Variants in KCTD3 observed in about 807,000 individuals in gnomAD.
KCTD3 encodes potassium channel tetramerization domain containing 3, also known as BTB/POZ domain-containing protein KCTD3.
A neutral mutation model predicts 85.8 loss-of-function variants in KCTD3; 41 were observed. The observed-to-expected ratio is 0.48, with a 90% CI of 0.37 to 0.62. The LOEUF is 0.62. Ranked by LOEUF, KCTD3 falls within the 20% of genes least tolerant of loss-of-function variation. The pLI is 0.00. For synonymous variants in KCTD3, 338 were observed against 345.4 expected (o/e 0.98, Z 0.24); for missense variants, 724 against 989.9 (o/e 0.73, Z 3.60).
chr1:215,588,115 C>A (rs1326466963), intron 9 of KCTD3, among the ~76,000 whole-genome samples: 1 of 152,072 alleles, frequency 6.6e-6, no homozygotes. Context: ...AGATAACAGG[C>A]TTACTTTGTT....
At chr1:215,618,484 A>G (rs1368229395) in intron 15 of KCTD3, 1 of 167,670 alleles carries the variant, frequency 6.0e-6, no homozygotes, top group African/African-American at 2.4e-5. Flanking sequence ...GTAGGCTGGG[A>G]TAACTAATTC....
chr1:215,600,278 C>T (rs1339493143), intron 10 of KCTD3, among the ~76,000 whole-genome samples: 7 of 152,284 alleles, frequency 4.6e-5, no homozygotes, highest in African/African-American at 1.4e-4. Flanking sequence ...ACAGGAAGAG[C>T]TTAGAGGAAT....
chr1:215,570,101 A>C (rs771247825), intron 1 of KCTD3, among the ~76,000 whole-genome samples: 1 of 152,186 alleles, frequency 6.6e-6, no homozygotes, highest in Non-Finnish European at 1.5e-5. Flanking sequence ...CTGTAAGAGA[A>C]AAATCCTGAT....
chr1:215,581,062 A>T, intron 8 of KCTD3: 1 of 408,898 alleles, frequency 2.4e-6, no homozygotes, highest in South Asian at 1.8e-5. Flanking sequence ...CCCGACCAAC[A>T]TGGTGAAACC....
At position 215,608,029 on chromosome 1, in the gene KCTD3, A is replaced by G; in HGVS notation, c.1322A>G (p.Asn441Ser). ...CTTTCTCTGCTAGTCTGTGCAGATAATAATCATGTCCGGACGTGGACAGTA... is the reference window on the plus strand; with the variant it reads ...CTTTCTCTGCTAGTCTGTGCAGATAGTAATCATGTCCGGACGTGGACAGTA... ...EKHLVSVCAD[N>S]NHVRTWTVTR... The change falls in exon 14 of 18, where the codon AAT becomes AGT. Residue 441 changes from asparagine (N) to serine (S), a missense_variant. Physicochemically the swap from Asn to Ser is conservative, Grantham distance 46. Around this residue, in one of 6 missense-constraint regions of KCTD3, gnomAD observed 146 missense variants for 320.3 expected, o/e 0.46. Coordinates refer to ENST00000259154, the MANE Select transcript of KCTD3 (RefSeq NM_016121.5). The G allele has an allele frequency of 6.2e-7, 1 of 1,607,030 alleles. No homozygotes were observed. Among genetic ancestry groups the G allele is most frequent in the Non-Finnish European group, 8.5e-7 (1 of 1,177,420 alleles).
chr1:215,599,623 AGAG>A (rs1654754607), intron 10 of KCTD3, among the ~76,000 whole-genome samples: 1 of 152,200 alleles, frequency 6.6e-6, no homozygotes, highest in African/African-American at 2.4e-5. Context: ...AGGACGAAGA[AGAG>A]GAGGCCACAC....
chr1:215,570,104 A>G lies in KCTD3; in HGVS notation c.83+2336A>G, dbSNP rs146327211. Among the ~76,000 whole-genome samples, 800 of 152,306 alleles carry G rather than the reference A, an allele frequency of 5.3e-3. 3 individuals are homozygous for G. The highest frequency in any genetic ancestry group is 6.1e-3 in the Non-Finnish European group (418 of 68,026). ...TCACTTAAGCCACTGTAAGAGAAAA[A>G]TCCTGATATGATTGCCACTGAAGTT... is the stretch of plus-strand genomic sequence containing the variant. On this transcript the variant is annotated intron_variant, in intron 1 of 17. Transcript: ENST00000259154.
At chr1:215,607,852 G>A (rs1400052400) in intron 13 of KCTD3, among the ~76,000 whole-genome samples, 165 bp from the exon 14 acceptor site, 1 of 151,824 alleles carries the variant, frequency 6.6e-6, no homozygotes, top group African/African-American at 2.4e-5. Context: ...AAAACATCCA[G>A]TTTTCTCACT....
At chr1:215,580,515 A>G (rs1035739477) in intron 8 of KCTD3, among the ~76,000 whole-genome samples, 14 of 152,136 alleles carry the variant, frequency 9.2e-5, no homozygotes, top group Non-Finnish European at 1.8e-4. Context: ...TGGTTTTACT[A>G]ATGCTTACAT....
rs1381618095 is a variant in KCTD3 at position 215,619,011 on chromosome 1, G to A, written c.1688G>A (p.Ser563Asn). Reference sequence around the variant, plus strand: ...TTGTTCACAGGCCATACAAATGGCAGTATTCAAATGTGGGATCTGACCACT... The same window carrying A: ...TTGTTCACAGGCCATACAAATGGCAATATTCAAATGTGGGATCTGACCACT... ...RYLFTGHTNG[S>N]IQMWDLTTAM... Residue 563 changes from serine (S) to asparagine (N), a missense_variant, in exon 16 of 18, where the codon AGT becomes AAT. Around this residue, in one of 6 missense-constraint regions of KCTD3, gnomAD observed 136 missense variants for 197.6 expected, o/e 0.69. Coordinates refer to ENST00000259154, the MANE Select transcript of KCTD3 (RefSeq NM_016121.5). 5 of 1,613,936 alleles carry A rather than the reference G, an allele frequency of 3.1e-6. No homozygotes were observed.
chr1:215,616,487 G>A (rs1338408057), intron 15 of KCTD3, among the ~76,000 whole-genome samples: 2 of 152,152 alleles, frequency 1.3e-5, no homozygotes, highest in African/African-American at 2.4e-5. Context: ...CAGGCCGGGT[G>A]CGGTGGCTCA....
In KCTD3 at chr1:215,620,783, ATC is replaced by A. The variant is rs1655654520; in HGVS notation, c.*169_*170del. ...TGGAATAATGAGATACAATAATCAT[ATC>A]TCTTTTGACATTTTGGAAATTTTTT... On this transcript the variant is annotated 3_prime_UTR_variant, in exon 18 of 18. Transcript: ENST00000259154. 1.1e-5 allele frequency: 6 copies of A among 537,310 alleles called. No homozygotes were observed. The highest frequency in any genetic ancestry group is 9.6e-6 in the Non-Finnish European group (3 of 312,358). The allele number at this position is 537,310 out of a possible 1,614,324, so 33.3% of individuals were successfully genotyped here.
intron 14 of KCTD3, 91 bp from the exon 15 acceptor site, chr1:215,611,732 TTC>T (rs1242406511): frequency 3.8e-6 from 3 of 782,392 alleles, no homozygotes; most frequent in Non-Finnish European, 6.2e-6. Context: ...GTATAAGAAA[TTC>T]TTTTCTTATA....
Position 215,584,830 on chromosome 1 carries a change from A to G in KCTD3, c.627-1665A>G, listed in dbSNP as rs369353077. On this transcript the variant is annotated intron_variant, in intron 8 of 17. Transcript: ENST00000259154. ...CTTATTGTAGTTACATATTGCTGTA[A>G]GTTAAGAATACTCACAAATAGTTTC... 1.8e-3 allele frequency among the ~76,000 whole-genome samples: 277 copies of G among 152,340 alleles called. 3 individuals carry two copies. Among genetic ancestry groups the G allele is most frequent in the African/African-American group, 6.2e-3 (257 of 41,574 alleles).
At chr1:215,568,246 A>C (rs1045139466) in intron 1 of KCTD3, among the ~76,000 whole-genome samples, 1 of 151,598 alleles carries the variant, frequency 6.6e-6, no homozygotes, top group Non-Finnish European at 1.5e-5. Flanking sequence ...TAATTAGGGG[A>C]TTTGTAATTT....
In KCTD3 at chr1:215,600,865, C is replaced by T. The variant is rs1429605503; in HGVS notation, c.934-1002C>T. On this transcript the variant is annotated intron_variant, in intron 10 of 17. Transcript: ENST00000259154. ...CAGGCTTGTCTGGCCTGGCTGTAAA[C>T]AGGGAAGATTCATTTTGATGAATAG... Among the ~76,000 whole-genome samples, 7 of 152,000 alleles carry T rather than the reference C, an allele frequency of 4.6e-5. No homozygotes were observed. The East Asian group carries it at 1.3e-3, about 29-fold the overall frequency.
chr1:215,603,340 A>T (rs886085321), intron 12 of KCTD3, among the ~76,000 whole-genome samples: 1 of 152,154 alleles, frequency 6.6e-6, no homozygotes, highest in Non-Finnish European at 1.5e-5. Flanking sequence ...ATCAGTTAGT[A>T]AAACTAGAAC....
chr1:215,618,303 T>G (rs1043257565), intron 15 of KCTD3: 2 of 189,294 alleles, frequency 1.1e-5, no homozygotes, highest in Non-Finnish European at 2.3e-5. Flanking sequence ...AGGAATTATC[T>G]TTTTCCCTCC....
chr1:215,620,151 A>G lies in KCTD3; in HGVS notation c.1981A>G (p.Arg661Gly), dbSNP rs761335988. 6.2e-7 allele frequency: 1 copy of G among 1,613,806 alleles called. No homozygotes were observed. Among genetic ancestry groups the G allele is most frequent in the Non-Finnish European group, 8.5e-7 (1 of 1,179,766 alleles). ...AAGTCCTTTATTAGCAAGGGCAAGA[A>G]GGACTGAGAGCTTTCACAGTTATAG... ...RESPLLARAR[R>G]TESFHSYRDF... The change falls in exon 18 of 18, where the codon AGG becomes GGG. Residue 661 changes from arginine (R) to glycine (G), a missense_variant. Coordinates refer to ENST00000259154, the MANE Select transcript of KCTD3 (RefSeq NM_016121.5).
Sources: gnomAD v4.1 joint callset for allele counts (sites outside exome capture counted in the v4.1 genomes callset) on GRCh38, gnomAD v4.1.1 for gene constraint, gnomAD v4.1.1 regional missense constraint, MANE v1.5 for transcripts, NCBI Gene and HGNC (gene_info 2026-07-23, HGNC 2026-07-21) for gene names.